Variants in NEBL observed in about 807,000 individuals in gnomAD.
NEBL encodes the protein LIM and SH3 protein 2.
NEBL carries 122 observed loss-of-function variants against 140.2 expected under a neutral mutation model. That is an observed-to-expected ratio of 0.87 (90% CI 0.75 to 1.01). The LOEUF is 1.01. NEBL is among the 50% of genes least tolerant of loss of function. The probability of loss-of-function intolerance (pLI) is 0.00; values close to 1 mark genes in which losing one functional copy is unlikely to be tolerated. For missense variants in NEBL, 1,365 were observed against 1,231.3 expected, an observed-to-expected ratio of 1.11 and a Z score of -1.62; for synonymous variants, 436 against 398.9, an observed-to-expected ratio of 1.09 and a Z score of -1.11.
chr10:20,920,975 T>G (rs1833554271), intron 4 of NEBL, among the ~76,000 whole-genome samples: 1 of 152,244 alleles, frequency 6.6e-6, no homozygotes, highest in Non-Finnish European at 1.5e-5. Context: ...ATATTTTTTC[T>G]CTTTCAAAGA....
At chr10:20,963,548 G>A (rs12774314) in intron 3 of NEBL, among the ~76,000 whole-genome samples, 225 of 152,216 alleles carry the variant, frequency 1.5e-3, no homozygotes, top group Middle Eastern at 3.4e-3. Context: ...AGAATCATAG[G>A]TATTTTTGGT....
intron 4 of NEBL, among the ~76,000 whole-genome samples, chr10:20,928,374 TA>T (rs1042378592): frequency 6.6e-6 from 1 of 151,970 alleles, no homozygotes; most frequent in African/African-American, 2.4e-5. Context: ...AGTGCTAAGG[TA>T]AAAAAATTAC....
intron 2 of NEBL, among the ~76,000 whole-genome samples, chr10:21,044,869 C>T (rs1834441340): frequency 6.6e-6 from 1 of 152,000 alleles, no homozygotes; most frequent in Admixed American, 6.6e-5. Flanking sequence ...GTATGTTTGT[C>T]TAGGGGAGGA....
At chr10:20,819,644 C>A in intron 19 of NEBL, 128 bp from the exon 20 acceptor site, 1 of 1,178,046 alleles carries the variant, frequency 8.5e-7, no homozygotes, top group Non-Finnish European at 1.2e-6. Flanking sequence ...ATCAGGATTT[C>A]ATAGTGAAAT....
intron 2 of NEBL, among the ~76,000 whole-genome samples, chr10:21,111,413 AC>A (rs1429337118): frequency 2.0e-5 from 3 of 152,292 alleles, no homozygotes; most frequent in African/African-American, 7.2e-5. Context: ...ATGGAACAGA[AC>A]AGAGGCCTCA....
intron 3 of NEBL, among the ~76,000 whole-genome samples, chr10:20,970,482 C>T (rs61000049): frequency 3.3e-5 from 5 of 151,248 alleles, no homozygotes; most frequent in African/African-American, 7.3e-5. Context: ...CTGCTCCCCC[C>T]ACCAAAAAAA....
At chr10:21,079,766 C>T (rs1452641990) in intron 2 of NEBL, among the ~76,000 whole-genome samples, 2 of 152,146 alleles carry the variant, frequency 1.3e-5, no homozygotes, top group Non-Finnish European at 2.9e-5. Context: ...TTCAAAAGAT[C>T]GCAGTTATAG....
intron 26 of NEBL, among the ~76,000 whole-genome samples, chr10:20,795,471 A>C (rs933506879): frequency 6.6e-6 from 1 of 152,218 alleles, no homozygotes; most frequent in Non-Finnish European, 1.5e-5. Flanking sequence ...ATAAAGTAGC[A>C]TCATTTCTGA....
chr10:20,803,697 TA>T (rs1837334637), intron 26 of NEBL, among the ~76,000 whole-genome samples: 1 of 151,716 alleles, frequency 6.6e-6, no homozygotes, highest in Admixed American at 6.6e-5. Context: ...CTCCACTTTT[TA>T]TAGAGTCAAT....
chr10:21,139,804 T>TTAA (rs1839529250), intron 2 of NEBL, among the ~76,000 whole-genome samples: 1 of 152,094 alleles, frequency 6.6e-6, no homozygotes, highest in South Asian at 2.1e-4. Flanking sequence ...AGCCACAGTA[T>TTAA]TAATAACTTT....
intron 1 of NEBL, among the ~76,000 whole-genome samples, chr10:21,261,625 T>TAACA (rs1287009709): frequency 6.8e-6 from 1 of 147,334 alleles, no homozygotes; most frequent in Non-Finnish European, 1.5e-5. Context: ...CCATCCCAGG[T>TAACA]AACAGAGTGA....
chr10:21,271,859 A>G (rs1359480946), intron 1 of NEBL, among the ~76,000 whole-genome samples: 2 of 152,104 alleles, frequency 1.3e-5, no homozygotes, highest in African/African-American at 2.4e-5. Flanking sequence ...ACCACACACA[A>G]AAGAATAGTA....
At chr10:20,875,445 T>C (rs1226879144) in intron 5 of NEBL, among the ~76,000 whole-genome samples, 1 of 152,160 alleles carries the variant, frequency 6.6e-6, no homozygotes, top group Admixed American at 6.5e-5. Flanking sequence ...ATAAGAGAAA[T>C]GCATATGAGA....
chr10:21,111,940 A>G (rs653038), intron 2 of NEBL, among the ~76,000 whole-genome samples: 5 of 152,172 alleles, frequency 3.3e-5, no homozygotes, highest in Admixed American at 6.5e-5. Flanking sequence ...GATATGAACA[A>G]ACACTTCTCA....
chr10:21,096,051 CT>C (rs1177014205), intron 2 of NEBL, among the ~76,000 whole-genome samples: 1 of 152,178 alleles, frequency 6.6e-6, no homozygotes, highest in African/African-American at 2.4e-5. Context: ...GTGCTTTAGG[CT>C]TTAAATAGGA....
intron 2 of NEBL, among the ~76,000 whole-genome samples, chr10:21,132,412 C>T (rs1223777223): frequency 6.6e-6 from 1 of 152,116 alleles, no homozygotes; most frequent in Non-Finnish European, 1.5e-5. Context: ...GTTGTTTCCA[C>T]TTTTTAGCTG....
rs201105598 is a variant in NEBL at position 20,785,849 on chromosome 10, G to A, written c.2943C>T (p.Ile981=). ...CATCGTCAATAGGCTGCACGTTGAC[G>A]ATGTAGTCGCCGTCTCTAAAGGAGA... is the stretch of plus-strand genomic sequence containing the variant. ...DEVSFRDGDY[I]VNVQPIDDGW... is the part of the protein sequence containing the mutation. Residue 981 remains isoleucine, a synonymous_variant, in exon 28 of 28, where the codon ATC becomes ATT. Coordinates refer to ENST00000377122, the MANE Select transcript of NEBL (RefSeq NM_006393.3). 4.9e-5 allele frequency: 79 copies of A among 1,614,004 alleles called. 1 individual carries two copies. The highest frequency in any genetic ancestry group is 4.3e-4 in the South Asian group (39 of 91,076).
intron 4 of NEBL, among the ~76,000 whole-genome samples, chr10:20,947,374 A>T (rs1197625667): frequency 6.6e-6 from 1 of 152,092 alleles, no homozygotes; most frequent in Non-Finnish European, 1.5e-5. Context: ...AGCAAAACAT[A>T]GGCTATTGTA....
rs368793318 is a variant in NEBL at position 20,819,417 on chromosome 10, G to T, written c.2055+7C>A. 1.9e-6 allele frequency: 3 copies of T among 1,613,886 alleles called. No individual in the cohort carries two copies. Among genetic ancestry groups the T allele is most frequent in the Non-Finnish European group, 2.5e-6 (3 of 1,179,902 alleles). ...AGAAAATATAAAAGGAAACAGAAAC[G>T]ACTTGCCGCACTCAGCTGCTCCTGG... On this transcript the variant is annotated splice_region_variant and intron_variant, in intron 20 of 27. Coordinates refer to ENST00000377122, the MANE Select transcript of NEBL (RefSeq NM_006393.3).
Sources: gnomAD v4.1 joint callset for allele counts (sites outside exome capture counted in the v4.1 genomes callset) on GRCh38, gnomAD v4.1.1 for gene constraint, MANE v1.5 for transcripts, NCBI Gene and HGNC (gene_info 2026-07-23, HGNC 2026-07-21) for gene names.